The following TAOK3 variants were observed in gnomAD, a reference collection of about 807,000 sequenced individuals.
The protein encoded by TAOK3 is serine/threonine-protein kinase TAO3.
TAOK3 carries 40 observed loss-of-function variants against 120.4 expected under a neutral mutation model. That is an observed-to-expected ratio of 0.33 (90% CI 0.26 to 0.43). TAOK3 has a LOEUF of 0.43. Among genes scored for constraint, TAOK3 ranks in the 20% least tolerant of loss-of-function variants. TAOK3 has a pLI of 1.00. For missense variants in TAOK3, 821 were observed against 1,112.1 expected (o/e 0.74, Z 3.72); for synonymous variants, 355 against 387.5 (o/e 0.92, Z 0.99).
chr12:118,362,835 T>C (rs1173555055), intron 1 of TAOK3, among the ~76,000 whole-genome samples: 1 of 151,906 alleles, frequency 6.6e-6, no homozygotes, highest in East Asian at 1.9e-4. Context: ...CTGCCCAACA[T>C]GGCAAAACCC....
chr12:118,201,396 G>A lies in TAOK3; in HGVS notation c.887C>T (p.Ala296Val). ...LIDLIQRTKD[A>V]VRELDNLQYR... The stretch of plus-strand genomic sequence containing the variant: ...CTGTAGGTTATCTAGCTCACGAACT[G>A]CATCTTTTGTCCTCTGTATGAGGTC... Residue 296 changes from alanine (A) to valine (V), a missense_variant, in exon 12 of 21, where the codon GCA becomes GTA. By Grantham distance (64) the Ala-to-Val change is moderately conservative (BLOSUM62 0). Coordinates refer to ENST00000392533, the MANE Select transcript of TAOK3 (RefSeq NM_016281.4). 6.2e-7 allele frequency: 1 copy of A among 1,614,048 alleles called. No homozygotes were observed.
At chr12:118,318,663 C>T (rs774156194) in intron 1 of TAOK3, among the ~76,000 whole-genome samples, 4 of 152,150 alleles carry the variant, frequency 2.6e-5, no homozygotes, top group Non-Finnish European at 4.4e-5. Context: ...TTATGGAAAG[C>T]AGTATGGAGG....
intron 1 of TAOK3, among the ~76,000 whole-genome samples, chr12:118,357,311 A>T (rs549225283): frequency 6.6e-6 from 1 of 152,340 alleles, no homozygotes; most frequent in Non-Finnish European, 1.5e-5. Flanking sequence ...ATGTGATGGG[A>T]CATCCTTACG....
At position 118,301,646 on chromosome 12, in the gene TAOK3, T is replaced by C. The variant is rs371006421; in HGVS notation, c.-193-34887A>G. ...GGATCACGAGGTCAGGAGTTCAAGA[T>C]CAGCCTGACCAACATGGAGAAACAC... On this transcript the variant is annotated intron_variant, in intron 1 of 20. Transcript: ENST00000392533. Among the ~76,000 whole-genome samples, 25 of 152,032 alleles carry C rather than the reference T, an allele frequency of 1.6e-4. No individual in the cohort carries two copies. In the South Asian group the frequency reaches 3.9e-3, roughly 24 times the overall value.
At chr12:118,291,953 AC>A (rs1419321950) in intron 1 of TAOK3, among the ~76,000 whole-genome samples, 3 of 152,062 alleles carry the variant, frequency 2.0e-5, no homozygotes, top group African/African-American at 7.2e-5. Flanking sequence ...AGCTGGGACT[AC>A]AGGTGCGTGC....
At chr12:118,331,424 C>T (rs774875149) in intron 1 of TAOK3, among the ~76,000 whole-genome samples, 13 of 152,002 alleles carry the variant, frequency 8.6e-5, no homozygotes, top group East Asian at 5.8e-4. Flanking sequence ...GTAGGTGGAT[C>T]GCTTGAGGCC....
rs371832045 is a variant in TAOK3 at position 118,212,864 on chromosome 12, T to C, written c.819+50A>G. The C allele has an allele frequency of 2.6e-5, 34 of 1,293,818 alleles. No individual in the cohort carries two copies. The African/African-American group carries it at 4.3e-4, about 16-fold the overall frequency. The allele number at this position is 1,293,818 out of a possible 1,614,324, so 80.1% of individuals were successfully genotyped here. ...ACAGGAATGATTTATTATATTCCAT[T>C]ATAACATGACTTTAAATCCCCCTCC... On this transcript the variant is annotated intron_variant, in intron 11 of 20. Transcript: ENST00000392533.
At chr12:118,249,209 T>A (rs2040644669) in intron 3 of TAOK3, among the ~76,000 whole-genome samples, 1 of 152,222 alleles carries the variant, frequency 6.6e-6, no homozygotes, top group Non-Finnish European at 1.5e-5. Context: ...TTTATATTTT[T>A]AAACATTTTA....
At chr12:118,187,250 A>G (rs1184989802) in intron 14 of TAOK3, among the ~76,000 whole-genome samples, 1 of 152,204 alleles carries the variant, frequency 6.6e-6, no homozygotes, top group African/African-American at 2.4e-5. Flanking sequence ...TAAATATAGT[A>G]TTGCCACCAA....
At chr12:118,363,712 C>G (rs1193557928) in intron 1 of TAOK3, among the ~76,000 whole-genome samples, 1 of 151,142 alleles carries the variant, frequency 6.6e-6, no homozygotes, top group Non-Finnish European at 1.5e-5. Context: ...TTAAGAAGAC[C>G]AGTCTGGTCA....
chr12:118,213,076 G>T, intron 10 of TAOK3, 81 bp from the exon 11 acceptor site: 3 of 862,140 alleles, frequency 3.5e-6, no homozygotes, highest in Admixed American at 3.6e-5. Flanking sequence ...TTCATTCAAG[G>T]GAAAATTTTG....
intron 9 of TAOK3, among the ~76,000 whole-genome samples, chr12:118,228,375 C>T (rs1241946544): frequency 1.3e-5 from 2 of 152,070 alleles, no homozygotes; most frequent in Non-Finnish European, 2.9e-5. Context: ...TGGTCTCAAA[C>T]TCCTGACCTC....
At chr12:118,198,094 C>T (rs1198319624) in intron 13 of TAOK3, among the ~76,000 whole-genome samples, 3 of 152,126 alleles carry the variant, frequency 2.0e-5, no homozygotes, top group Admixed American at 6.5e-5. Context: ...TCCATGTCTT[C>T]CTGATAATCT....
At chr12:118,305,038 A>T (rs2043000913) in intron 1 of TAOK3, among the ~76,000 whole-genome samples, 1 of 152,248 alleles carries the variant, frequency 6.6e-6, no homozygotes, top group Non-Finnish European at 1.5e-5. Flanking sequence ...ACCATATGGC[A>T]GGTTTCAAAT....
intron 1 of TAOK3, among the ~76,000 whole-genome samples, chr12:118,279,916 C>A (rs1357064303): frequency 6.6e-6 from 1 of 151,802 alleles, no homozygotes; most frequent in South Asian, 2.1e-4. Context: ...TAGGCGCCCG[C>A]CACCACGTCC....
At chr12:118,366,058 A>G (rs1294940010) in intron 1 of TAOK3, among the ~76,000 whole-genome samples, 1 of 152,116 alleles carries the variant, frequency 6.6e-6, no homozygotes, top group Non-Finnish European at 1.5e-5. Context: ...GAGGTCAGGA[A>G]TTCGAGACCA....
At chr12:118,259,807 CAG>C (rs2041146547) in intron 2 of TAOK3, among the ~76,000 whole-genome samples, 1 of 152,020 alleles carries the variant, frequency 6.6e-6, no homozygotes, top group South Asian at 2.1e-4. Context: ...GTTGGCAGGG[CAG>C]AGTGTCAAAT....
chr12:118,307,228 C>G (rs7978756), intron 1 of TAOK3, among the ~76,000 whole-genome samples: 2,035 of 152,114 alleles, frequency 0.013, 44 homozygotes, highest in African/African-American at 0.044. Context: ...CTCTTCCCCC[C>G]CCCATCTCTG....
intron 1 of TAOK3, among the ~76,000 whole-genome samples, chr12:118,332,930 G>A (rs944539759): frequency 6.7e-6 from 1 of 149,628 alleles, no homozygotes; most frequent in Non-Finnish European, 1.5e-5. Flanking sequence ...AATCTACCAA[G>A]GTGACATAGT....
Sources: allele counts gnomAD v4.1 joint callset (sites outside exome capture counted in the v4.1 genomes callset), GRCh38; gene constraint gnomAD v4.1.1; transcripts MANE v1.5; gene names NCBI Gene and HGNC (gene_info 2026-07-23, HGNC 2026-07-21).